OSBPL1A: variants seen among roughly 807,000 people sequenced by gnomAD.
OSBPL1A encodes the protein oxysterol binding protein like 1A, also known as oxysterol-binding protein-related protein 1.
OSBPL1A carries 80 observed loss-of-function variants against 137.1 expected under a neutral mutation model. The observed-to-expected ratio is 0.58, with a 90% confidence interval of 0.49 to 0.70. The LOEUF (loss-of-function observed/expected upper bound fraction) is 0.70, where lower values mean the gene tolerates loss of function less well. OSBPL1A is among the 30% of genes least tolerant of loss of function. The probability of loss-of-function intolerance (pLI) is 0.00; values close to 1 mark genes in which losing one functional copy is unlikely to be tolerated. For synonymous variants in OSBPL1A, 365 were observed against 389.7 expected (o/e 0.94, Z 0.75); for missense variants, 970 against 1,129.4 (o/e 0.86, Z 2.02).
chr18:24,366,837 T>G, intron 4 of OSBPL1A, 55 bp downstream of exon 4: 1 of 1,529,854 alleles, frequency 6.5e-7, no homozygotes, highest in Non-Finnish European at 9.0e-7. Context: ...AAAACAATGG[T>G]AACTACTCCT....
intron 14 of OSBPL1A, among the ~76,000 whole-genome samples, chr18:24,300,075 A>G (rs2090369410): frequency 6.6e-6 from 1 of 152,216 alleles, no homozygotes; most frequent in Non-Finnish European, 1.5e-5. Flanking sequence ...TGTTTTTGCA[A>G]CCAGGCTTTT....
chr18:24,261,295 G>A (rs1011094347), intron 15 of OSBPL1A, among the ~76,000 whole-genome samples: 1 of 152,200 alleles, frequency 6.6e-6, no homozygotes, highest in African/African-American at 2.4e-5. Context: ...AGGCAGTAAG[G>A]AACTTTTGGA....
intron 4 of OSBPL1A, among the ~76,000 whole-genome samples, chr18:24,347,092 C>A (rs1235770711): frequency 6.6e-6 from 1 of 152,084 alleles, no homozygotes; most frequent in African/African-American, 2.4e-5. Flanking sequence ...ATGAATGTTC[C>A]CGTATTGATT....
chr18:24,280,835 T>C lies in OSBPL1A; in HGVS notation c.1281+7A>G, dbSNP rs780665390. ...TTATTTTACAAATTCAATTCTGAACTACCTACCCCTTCTTGTTTGGTGAAG... is the reference window on the plus strand; with the variant it reads ...TTATTTTACAAATTCAATTCTGAACCACCTACCCCTTCTTGTTTGGTGAAG... On this transcript the variant is annotated splice_region_variant and intron_variant, in intron 15 of 27. Coordinates refer to ENST00000319481, the MANE Select transcript of OSBPL1A (RefSeq NM_080597.4). 6.5e-7 allele frequency: 1 copy of C among 1,532,776 alleles called. No homozygotes were observed. The highest frequency in any genetic ancestry group is 2.2e-5 in the Admixed American group (1 of 46,012). 94.9% of individuals were successfully genotyped at this position (1,532,776 alleles called of 1,614,324 possible).
intron 18 of OSBPL1A, among the ~76,000 whole-genome samples, chr18:24,195,096 C>T (rs1275049372): frequency 1.3e-5 from 2 of 151,846 alleles, no homozygotes; most frequent in Admixed American, 1.3e-4. Flanking sequence ...CCCAGGAGTT[C>T]GAGACCAGCC....
intron 24 of OSBPL1A, among the ~76,000 whole-genome samples, chr18:24,168,468 C>T (rs187550811): frequency 4.3e-4 from 66 of 152,320 alleles, no homozygotes; most frequent in African/African-American, 1.4e-3. Context: ...AGGGAGCCAG[C>T]ATTTCCTCGG....
intron 13 of OSBPL1A, among the ~76,000 whole-genome samples, chr18:24,305,771 G>C (rs1452384277): frequency 6.6e-6 from 1 of 152,134 alleles, no homozygotes; most frequent in Admixed American, 6.5e-5. Context: ...GAATCATGGG[G>C]GTGGGCTTTT....
At chr18:24,295,014 A>C (rs1323989031) in intron 14 of OSBPL1A, among the ~76,000 whole-genome samples, 1 of 152,162 alleles carries the variant, frequency 6.6e-6, no homozygotes. Flanking sequence ...AGGTTGTACT[A>C]ATTTACATTC....
intron 18 of OSBPL1A, among the ~76,000 whole-genome samples, chr18:24,194,564 A>G (rs1413010391): frequency 1.3e-5 from 2 of 152,242 alleles, no homozygotes; most frequent in African/African-American, 2.4e-5. Context: ...ATCTGTCTAT[A>G]TACATTTGCT....
intron 7 of OSBPL1A, among the ~76,000 whole-genome samples, chr18:24,325,181 G>C (rs1568028754): frequency 6.6e-6 from 1 of 152,152 alleles, no homozygotes; most frequent in African/African-American, 2.4e-5. Context: ...ACTTGATAAA[G>C]GGTATAAACG....
chr18:24,164,595 A>AT (rs1371368342), intron 27 of OSBPL1A, among the ~76,000 whole-genome samples: 3 of 151,672 alleles, frequency 2.0e-5, no homozygotes, highest in Non-Finnish European at 4.4e-5. Flanking sequence ...CGCCCAGCTA[A>AT]TTTTTTGTAT....
At chr18:24,190,205 T>C (rs1232516755) in intron 18 of OSBPL1A, among the ~76,000 whole-genome samples, 1 of 152,124 alleles carries the variant, frequency 6.6e-6, no homozygotes, top group African/African-American at 2.4e-5. Context: ...CCTGGATCAC[T>C]CGGCATTTGT....
intron 14 of OSBPL1A, among the ~76,000 whole-genome samples, chr18:24,290,756 T>C (rs2146086442): frequency 6.6e-6 from 1 of 152,274 alleles, no homozygotes; most frequent in South Asian, 2.1e-4. Context: ...GCTTTACAGC[T>C]ACATGAATGG....
At chr18:24,220,943 G>A (rs1209860919) in intron 17 of OSBPL1A, among the ~76,000 whole-genome samples, 1 of 152,036 alleles carries the variant, frequency 6.6e-6, no homozygotes, top group Non-Finnish European at 1.5e-5. Flanking sequence ...ACCACGCTCA[G>A]CTAATTTTTG....
At chr18:24,255,047 G>T (rs2089229548) in intron 15 of OSBPL1A, among the ~76,000 whole-genome samples, 1 of 152,124 alleles carries the variant, frequency 6.6e-6, no homozygotes. Flanking sequence ...AAATCCAAAG[G>T]ATCATTAGTG....
chr18:24,222,946 T>A lies in OSBPL1A; in HGVS notation c.1601+2096A>T, dbSNP rs143651356. ...TCCTATGGGAAAGTTAAATAAATCA[T>A]AAGTAAATGATTTTTTTTTAATAGT... On this transcript the variant is annotated intron_variant, in intron 17 of 27. Transcript: ENST00000319481. Among the ~76,000 whole-genome samples the A allele has an allele frequency of 2.8e-3, 429 of 152,146 alleles. 7 individuals are homozygous for A. Among genetic ancestry groups the A allele is most frequent in the African/African-American group, 9.5e-3 (393 of 41,536 alleles).
chr18:24,264,611 T>C (rs949932940), intron 15 of OSBPL1A, among the ~76,000 whole-genome samples: 2 of 152,210 alleles, frequency 1.3e-5, no homozygotes, highest in African/African-American at 2.4e-5. Context: ...GGACAGCAAT[T>C]TCCTGTTGAG....
At chr18:24,309,933 G>A (rs1338067917) in intron 13 of OSBPL1A, among the ~76,000 whole-genome samples, 1 of 151,620 alleles carries the variant, frequency 6.6e-6, no homozygotes, top group Non-Finnish European at 1.5e-5. Context: ...TGTAATCCCA[G>A]CTACTCAGGA....
intron 17 of OSBPL1A, among the ~76,000 whole-genome samples, chr18:24,224,383 AT>A (rs2087997068): frequency 6.6e-6 from 1 of 152,202 alleles, no homozygotes; most frequent in Non-Finnish European, 1.5e-5. Flanking sequence ...TTCACTGATC[AT>A]TTTATAAAAT....
Sources: gnomAD v4.1 joint callset for allele counts (sites outside exome capture counted in the v4.1 genomes callset) on GRCh38, gnomAD v4.1.1 for gene constraint, MANE v1.5 for transcripts, NCBI Gene and HGNC (gene_info 2026-07-23, HGNC 2026-07-21) for gene names.